TMEM51: variants seen among roughly 807,000 people sequenced by gnomAD.
TMEM51 encodes transmembrane protein 51.
A neutral mutation model predicts 13.6 loss-of-function variants in TMEM51; 8 were observed. The ratio of observed to expected loss-of-function variants is 0.59; its 90% CI spans 0.35 to 1.07. TMEM51 has a LOEUF of 1.07. TMEM51 is among the 50% of genes least tolerant of loss of function. The pLI, the probability that TMEM51 is intolerant of heterozygous loss-of-function variation, is 0.02. For missense variants in TMEM51, 279 were observed against 330.7 expected (o/e 0.84, Z 1.21); for synonymous variants, 147 against 144.4 (o/e 1.02, Z -0.13).
chr1:15,186,370 A>T (rs1643774119), intron 1 of TMEM51, among the ~76,000 whole-genome samples: 1 of 152,200 alleles, frequency 6.6e-6, no homozygotes, highest in Admixed American at 6.5e-5. Context: ...GTGAGGAATA[A>T]CAGTCTACCC....
intron 1 of TMEM51, among the ~76,000 whole-genome samples, chr1:15,191,645 ACTG>A (rs959903491): frequency 3.3e-5 from 5 of 152,152 alleles, no homozygotes; most frequent in Non-Finnish European, 1.5e-5. Context: ...CTGTGAGATG[ACTG>A]CTATTTTCTC....
chr1:15,208,439 A>G (rs1644285969), intron 1 of TMEM51, among the ~76,000 whole-genome samples: 1 of 152,086 alleles, frequency 6.6e-6, no homozygotes, highest in Non-Finnish European at 1.5e-5. Context: ...CCTGGGCAAC[A>G]CAGCAAGATT....
In TMEM51 at chr1:15,207,504, A is replaced by G. The variant is rs1445717731; in HGVS notation, c.-266-2986A>G. On this transcript the variant is annotated intron_variant, in intron 1 of 3. Transcript: ENST00000376008. The surrounding 1 kb of genome is among the most constrained non-coding windows in gnomAD (Gnocchi z 4.6). ...AGTCGTTGTCTTCACGTTCAAGTTC[A>G]TGGAGACTCAATCCAGATGTGCCTG... Among the ~76,000 whole-genome samples, 1 of 152,166 alleles carries G rather than the reference A, an allele frequency of 6.6e-6. No individual in the cohort carries two copies. The highest frequency in any genetic ancestry group is 1.5e-5 in the Non-Finnish European group (1 of 68,018).
intron 1 of TMEM51, among the ~76,000 whole-genome samples, chr1:15,206,745 C>T (rs1200008364): frequency 1.3e-5 from 2 of 152,210 alleles, no homozygotes; most frequent in African/African-American, 4.8e-5. Context: ...ATTCTTCTTA[C>T]CCTGCCTTGT....
At chr1:15,196,285 G>A (rs570509789) in intron 1 of TMEM51, among the ~76,000 whole-genome samples, 4 of 152,258 alleles carry the variant, frequency 2.6e-5, no homozygotes, top group South Asian at 2.1e-4. Context: ...TCCCTACTCC[G>A]AGTTCAGTGA....
In TMEM51 at chr1:15,207,442, C is replaced by T. The variant is rs989212013; in HGVS notation, c.-266-3048C>T. On this transcript the variant is annotated intron_variant, in intron 1 of 3. Transcript: ENST00000376008. This position sits in a 1 kb window ranked among gnomAD's most constrained non-coding sequence, Gnocchi z 4.6. Reference sequence around the variant, plus strand: ...CTTGGGCCCTTTACCCCGTTTCAGCCGGGGCAGCGCTGCTTTCCATCGTCC... The same window carrying T: ...CTTGGGCCCTTTACCCCGTTTCAGCTGGGGCAGCGCTGCTTTCCATCGTCC... Among the ~76,000 whole-genome samples, 4 of 152,228 alleles carry T rather than the reference C, an allele frequency of 2.6e-5. No homozygotes were observed. The highest frequency in any genetic ancestry group is 2.9e-5 in the Non-Finnish European group (2 of 68,036).
At chr1:15,197,246 G>A (rs1557849956) in intron 1 of TMEM51, among the ~76,000 whole-genome samples, 1 of 152,218 alleles carries the variant, frequency 6.6e-6, no homozygotes, top group Non-Finnish European at 1.5e-5. Context: ...GGCCAGGCCT[G>A]GGCATGTGCC....
intron 3 of TMEM51, 41 bp downstream of exon 3, chr1:15,215,472 G>T: frequency 6.6e-7 from 1 of 1,519,856 alleles, no homozygotes. Flanking sequence ...GATCGGGGAT[G>T]GGCACGCACG....
chr1:15,165,895 G>A (rs1038853375), intron 1 of TMEM51, among the ~76,000 whole-genome samples: 2 of 150,238 alleles, frequency 1.3e-5, no homozygotes, highest in African/African-American at 2.5e-5. Flanking sequence ...CCGAGATTGC[G>A]CCACTGCACT....
intron 1 of TMEM51, among the ~76,000 whole-genome samples, chr1:15,204,289 C>T (rs377729360): frequency 6.6e-6 from 1 of 152,256 alleles, no homozygotes. Flanking sequence ...TGAGGTGGCT[C>T]ACGCCTGTAA....
intron 1 of TMEM51, among the ~76,000 whole-genome samples, chr1:15,205,027 T>A (rs115454041): frequency 0.02 from 3,098 of 152,136 alleles, 101 homozygotes; most frequent in African/African-American, 0.071. Context: ...GCAGAGGAAG[T>A]CTCTGAAATG....
chr1:15,194,436 C>A (rs1573424081), intron 1 of TMEM51, among the ~76,000 whole-genome samples: 1 of 152,332 alleles, frequency 6.6e-6, no homozygotes, highest in Middle Eastern at 3.4e-3. Context: ...CATTGTCCAT[C>A]AGTCCATTCC....
chr1:15,164,221 C>T lies in TMEM51; in HGVS notation c.-267+10267C>T, dbSNP rs143461422. On this transcript the variant is annotated intron_variant, in intron 1 of 3. Coordinates refer to ENST00000376008, the MANE Select transcript of TMEM51 (RefSeq NM_001136218.2). ...TAAACTACAGACTTTATTTTGATTT[C>T]GCTGGATTTCCCACTGCATTTTTAT... 77 of 399,814 alleles carry T rather than the reference C, an allele frequency of 1.9e-4. 1 individual carries two copies. Among genetic ancestry groups the T allele is most frequent in the East Asian group, 8.7e-4 (12 of 13,870 alleles). 24.8% of individuals were successfully genotyped at this position (399,814 alleles called of 1,614,324 possible). A position where few individuals can be genotyped will look rare whatever the true frequency, so the allele number is the denominator to read the frequency against.
chr1:15,204,509 C>T (rs1338540157), intron 1 of TMEM51, among the ~76,000 whole-genome samples: 5 of 152,192 alleles, frequency 3.3e-5, no homozygotes, highest in African/African-American at 9.7e-5. Flanking sequence ...GAGCCAAGAT[C>T]GCGCCACTGC....
rs568867536 is a variant in TMEM51 at position 15,215,553 on chromosome 1, C to T, written c.344+122C>T. ...TCTACAGGCTTTATTGTCCCATGTT[C>T]GCCCATGACGCCTCTGTCAAAACGG... On this transcript the variant is annotated intron_variant, in intron 3 of 3. Transcript: ENST00000376008. 5.2e-5 allele frequency: 47 copies of T among 909,736 alleles called. No individual in the cohort carries two copies. The East Asian group carries it at 9.4e-4, about 18-fold the overall frequency. 56.4% of individuals were successfully genotyped at this position (909,736 alleles called of 1,614,324 possible). A position where few individuals can be genotyped will look rare whatever the true frequency, so the allele number is the denominator to read the frequency against.
rs150233924 is a variant in TMEM51, at chr1:15,201,093, C to T, written c.-266-9397C>T. ...CTTCATCCAGATAAAACTAATCACT[C>T]GGAGTGAGTCGTGTCTAGTTTGAAT... On this transcript the variant is annotated intron_variant, in intron 1 of 3. Transcript: ENST00000376008. Among the ~76,000 whole-genome samples the T allele has an allele frequency of 2.9e-3, 441 of 152,306 alleles. 3 individuals carry two copies. The highest frequency in any genetic ancestry group is 0.01 in the African/African-American group (417 of 41,568).
In TMEM51 at chr1:15,161,717, T is replaced by A. The variant is rs536224769; in HGVS notation, c.-267+7763T>A. Among the ~76,000 whole-genome samples, 179 of 151,950 alleles carry A rather than the reference T, an allele frequency of 1.2e-3. 6 individuals carry two copies. The highest frequency in any genetic ancestry group is 4.2e-3 in the African/African-American group (172 of 41,310). ...ACTTTGGGAAACCGAGGCAGGCAGA[T>A]CACGAGATCGAGACCATCCTGGCCA... On this transcript the variant is annotated intron_variant, in intron 1 of 3. Coordinates refer to ENST00000376008, the MANE Select transcript of TMEM51 (RefSeq NM_001136218.2). This position sits in a 1 kb window ranked among gnomAD's most constrained non-coding sequence, Gnocchi z 4.0.
intron 1 of TMEM51, among the ~76,000 whole-genome samples, chr1:15,162,849 G>T (rs1353859850): frequency 1.3e-5 from 2 of 152,028 alleles, no homozygotes; most frequent in Non-Finnish European, 2.9e-5. Context: ...GTTGCCAGGG[G>T]CTGGGGGAAG....
chr1:15,215,606 T>A (rs978806813), intron 3 of TMEM51, among the ~76,000 whole-genome samples, 175 bp downstream of exon 3: 1 of 152,270 alleles, frequency 6.6e-6, no homozygotes, highest in Non-Finnish European at 1.5e-5. Context: ...AACTTTAGAC[T>A]TTTCTACCAG....
Sources: allele counts gnomAD v4.1 joint callset (sites outside exome capture counted in the v4.1 genomes callset), GRCh38; gene constraint gnomAD v4.1.1; non-coding constraint Gnocchi (gnomAD v3.1); transcripts MANE v1.5; gene names NCBI Gene and HGNC (gene_info 2026-07-23, HGNC 2026-07-21).